Variants in SGMS1 observed in about 807,000 individuals in gnomAD.
SGMS1 encodes phosphatidylcholine:ceramide cholinephosphotransferase 1.
Under a neutral mutation model 46.2 loss-of-function variants are expected in SGMS1, and 13 were observed. The observed-to-expected ratio is 0.28, with a 90% CI of 0.18 to 0.45. The LOEUF (loss-of-function observed/expected upper bound fraction) is 0.45. SGMS1 is among the 20% of genes least tolerant of loss of function. SGMS1 has a pLI of 1.00. For synonymous variants in SGMS1, 203 were observed against 187.8 expected (o/e 1.08, Z -0.66); for missense variants, 324 against 519.9 (o/e 0.62, Z 3.66).
At chr10:50,487,648 T>G (rs922502859) in intron 3 of SGMS1, among the ~76,000 whole-genome samples, 1 of 152,240 alleles carries the variant, frequency 6.6e-6, no homozygotes, top group African/African-American at 2.4e-5. Flanking sequence ...CTATATATAC[T>G]ACCTCATAAT....
intron 7 of SGMS1, chr10:50,335,553 T>A (rs1444934131): frequency 6.6e-6 from 1 of 152,232 alleles, no homozygotes; most frequent in African/African-American, 2.4e-5. Context: ...TCAAGAATGA[T>A]CTTCCAGTGT....
chr10:50,517,480 T>A (rs1837816016), intron 3 of SGMS1, among the ~76,000 whole-genome samples: 1 of 151,940 alleles, frequency 6.6e-6, no homozygotes, highest in African/African-American at 2.4e-5. Context: ...AAATCTTAAA[T>A]TACAGAATAA....
chr10:50,315,469 A>G (rs533578063), intron 8 of SGMS1, among the ~76,000 whole-genome samples: 1 of 152,338 alleles, frequency 6.6e-6, no homozygotes, highest in African/African-American at 2.4e-5. Flanking sequence ...ATGTGAATGG[A>G]AAAAAGAAAA....
At chr10:50,578,269 T>C (rs1385790729) in intron 2 of SGMS1, among the ~76,000 whole-genome samples, 2 of 152,234 alleles carry the variant, frequency 1.3e-5, no homozygotes, top group African/African-American at 2.4e-5. Context: ...GCGGTATTTA[T>C]GTCCAGTCTC....
At chr10:50,445,121 A>C (rs1836994479) in intron 5 of SGMS1, among the ~76,000 whole-genome samples, 1 of 152,232 alleles carries the variant, frequency 6.6e-6, no homozygotes. Flanking sequence ...TTTCAACATC[A>C]TTAGTCACCA....
At chr10:50,320,233 T>C (rs1354400651) in intron 8 of SGMS1, among the ~76,000 whole-genome samples, 4 of 152,246 alleles carry the variant, frequency 2.6e-5, no homozygotes, top group African/African-American at 9.6e-5. Context: ...CAGAAATCCA[T>C]GCAGAAGCAT....
chr10:50,577,215 C>T (rs1838393220), intron 2 of SGMS1, among the ~76,000 whole-genome samples: 1 of 152,120 alleles, frequency 6.6e-6, no homozygotes, highest in Non-Finnish European at 1.5e-5. Context: ...TGATGATCAA[C>T]GGGGATGACA....
intron 3 of SGMS1, among the ~76,000 whole-genome samples, chr10:50,508,351 C>T (rs1303039164): frequency 6.6e-6 from 1 of 152,176 alleles, no homozygotes; most frequent in Non-Finnish European, 1.5e-5. Context: ...TAGTGGAAAA[C>T]CAGCACAGTC....
intron 2 of SGMS1, among the ~76,000 whole-genome samples, chr10:50,528,285 G>A (rs1009362881): frequency 6.6e-6 from 1 of 152,202 alleles, no homozygotes; most frequent in African/African-American, 2.4e-5. Flanking sequence ...AAGAGCAGCT[G>A]TGTATTGAGG....
upstream of SGMS1, chr10:50,624,274 G>C: frequency 3.1e-6 from 1 of 326,994 alleles, no homozygotes; most frequent in Non-Finnish European, 4.4e-6. Context: ...CCGGAGACGG[G>C]AGCCGCTAGA....
intron 8 of SGMS1, among the ~76,000 whole-genome samples, chr10:50,325,589 A>G (rs943591113): frequency 6.6e-6 from 1 of 152,232 alleles, no homozygotes; most frequent in Non-Finnish European, 1.5e-5. Context: ...AGATATGTTG[A>G]TGACTCAAGC....
At chr10:50,378,424 A>G (rs1848549519) in intron 6 of SGMS1, among the ~76,000 whole-genome samples, 1 of 152,236 alleles carries the variant, frequency 6.6e-6, no homozygotes, top group Non-Finnish European at 1.5e-5. Flanking sequence ...TCTATAAAGC[A>G]TCTAACCTGA....
chr10:50,434,344 A>T (rs1849445569), intron 5 of SGMS1, among the ~76,000 whole-genome samples: 1 of 152,218 alleles, frequency 6.6e-6, no homozygotes, highest in East Asian at 1.9e-4. Context: ...TGCTCATGTT[A>T]TGTGAAGAAC....
intron 2 of SGMS1, among the ~76,000 whole-genome samples, chr10:50,556,153 G>A (rs573820121): frequency 2.0e-5 from 3 of 152,154 alleles, no homozygotes; most frequent in South Asian, 2.1e-4. Flanking sequence ...TACAACTCTC[G>A]GTCACCAATC....
At chr10:50,533,788 T>C (rs1198256914) in intron 2 of SGMS1, among the ~76,000 whole-genome samples, 1 of 152,130 alleles carries the variant, frequency 6.6e-6, no homozygotes, top group Admixed American at 6.5e-5. Flanking sequence ...AAAGTTTATA[T>C]ACATGCATAT....
chr10:50,361,341 C>CT (rs1407444873), intron 6 of SGMS1, among the ~76,000 whole-genome samples: 1 of 100,350 alleles, frequency 1.0e-5, no homozygotes, highest in African/African-American at 3.1e-5. Context: ...TCTCCTCATA[C>CT]CCCCAGGATT....
chr10:50,611,321 C>T (rs1361030050), intron 1 of SGMS1, among the ~76,000 whole-genome samples: 1 of 152,238 alleles, frequency 6.6e-6, no homozygotes, highest in Non-Finnish European at 1.5e-5. Flanking sequence ...TGGACACACG[C>T]CAAGGGTCTT....
At chr10:50,341,183 A>G (rs1423898752) in intron 7 of SGMS1, 1 of 347,346 alleles carries the variant, frequency 2.9e-6, no homozygotes, top group African/African-American at 2.1e-5. Context: ...AACTAGAAAC[A>G]AAGGGTCCCT....
chr10:50,453,412 AAAAATAAAAT>A (rs1362182162), intron 5 of SGMS1, among the ~76,000 whole-genome samples: 3 of 151,636 alleles, frequency 2.0e-5, no homozygotes, highest in African/African-American at 7.2e-5. Context: ...CTGTAGGATA[AAAAATAAAAT>A]AAAATAAAAT....
Sources: gnomAD v4.1 joint callset for allele counts (sites outside exome capture counted in the v4.1 genomes callset) on GRCh38, gnomAD v4.1.1 for gene constraint, MANE v1.5 for transcripts, NCBI Gene and HGNC (gene_info 2026-07-23, HGNC 2026-07-21) for gene names.